MAL2: variants seen among roughly 807,000 people sequenced by gnomAD.
The protein encoded by MAL2 is mal, T cell differentiation protein 2, also known as protein MAL2.
A neutral mutation model predicts 18.1 loss-of-function variants in MAL2; 17 were observed. That is an observed-to-expected ratio of 0.94 (90% CI 0.64 to 1.41). The LOEUF (loss-of-function observed/expected upper bound fraction) is 1.41, where lower values mean the gene tolerates loss of function less well. MAL2 is among the 40% of genes most tolerant of loss of function. The pLI, the probability that MAL2 is intolerant of heterozygous loss-of-function variation, is 0.00. For missense variants in MAL2, 222 were observed against 231.9 expected (o/e 0.96, Z 0.28); for synonymous variants, 102 against 102.3 (o/e 1.00, Z 0.02).
At chr8:119,237,046 C>A (rs575603948) in intron 2 of MAL2, among the ~76,000 whole-genome samples, 139 of 151,912 alleles carry the variant, frequency 9.2e-4, no homozygotes, top group African/African-American at 3.1e-3. Flanking sequence ...AGACCGCTAG[C>A]AAGACTAATA....
At chr8:119,236,431 G>A (rs530731978) in intron 2 of MAL2, among the ~76,000 whole-genome samples, 4 of 151,538 alleles carry the variant, frequency 2.6e-5, no homozygotes, top group African/African-American at 9.8e-5. Context: ...ACTCAGCTCT[G>A]CACCAAGTGG....
At chr8:119,225,841 G>A (rs1817584211) in intron 2 of MAL2, among the ~76,000 whole-genome samples, 1 of 152,204 alleles carries the variant, frequency 6.6e-6, no homozygotes, top group Non-Finnish European at 1.5e-5. Context: ...ATCTCATTGT[G>A]GTTTTGATTT....
intron 1 of MAL2, among the ~76,000 whole-genome samples, chr8:119,211,332 A>C (rs1817265322): frequency 1.3e-5 from 2 of 152,174 alleles, no homozygotes; most frequent in Non-Finnish European, 2.9e-5. Context: ...CTCAAACTCC[A>C]TTTTAATTTT....
rs559946145 is a variant in MAL2, at chr8:119,239,117, T to C, written c.304-1048T>C. Among the ~76,000 whole-genome samples, 150 of 151,890 alleles carry C rather than the reference T, an allele frequency of 9.9e-4. 1 individual carries two copies. Among genetic ancestry groups the C allele is most frequent in the African/African-American group, 3.5e-3 (146 of 41,432 alleles). The stretch of plus-strand genomic sequence containing the variant: ...ACCCCATCAAAAAGTGGGTGAAGGA[T>C]ATGAACAGACACTTCTCAAAAGAAG... On this transcript the variant is annotated intron_variant, in intron 2 of 3. Transcript: ENST00000614891.
intron 2 of MAL2, among the ~76,000 whole-genome samples, chr8:119,231,717 A>G (rs1476412068): frequency 6.6e-6 from 1 of 152,250 alleles, no homozygotes; most frequent in African/African-American, 2.4e-5. Flanking sequence ...GATAAAGAAA[A>G]TGCAGTATAT....
intron 1 of MAL2, among the ~76,000 whole-genome samples, chr8:119,212,414 T>C (rs945051597): frequency 4.6e-5 from 7 of 152,186 alleles, no homozygotes; most frequent in African/African-American, 1.7e-4. Flanking sequence ...GTGTTTTGGA[T>C]GCCATAGTAA....
At chr8:119,238,521 A>G (rs974738938) in intron 2 of MAL2, among the ~76,000 whole-genome samples, 4 of 151,208 alleles carry the variant, frequency 2.6e-5, no homozygotes, top group Non-Finnish European at 5.9e-5. Flanking sequence ...CCTGACTTCA[A>G]ACTATACTAC....
intron 3 of MAL2, among the ~76,000 whole-genome samples, chr8:119,241,786 T>G (rs1242578217): frequency 6.6e-6 from 1 of 151,492 alleles, no homozygotes; most frequent in African/African-American, 2.4e-5. Context: ...ACTTTAACAC[T>G]TGCTTATAAA....
chr8:119,229,043 T>TGTTTATGTG (rs1381262909), intron 2 of MAL2, among the ~76,000 whole-genome samples: 1 of 152,116 alleles, frequency 6.6e-6, no homozygotes, highest in Non-Finnish European at 1.5e-5. Context: ...ATGGGTACTC[T>TGTTTATGTG]GTTTATGTGC....
At chr8:119,237,839 A>G (rs1344326822) in intron 2 of MAL2, among the ~76,000 whole-genome samples, 3 of 152,100 alleles carry the variant, frequency 2.0e-5, no homozygotes, top group African/African-American at 4.8e-5. Context: ...ATCATACTGA[A>G]TGGGCAAAAA....
At chr8:119,242,898 G>A (rs980558835) in intron 3 of MAL2, among the ~76,000 whole-genome samples, 1 of 152,184 alleles carries the variant, frequency 6.6e-6, no homozygotes, top group Non-Finnish European at 1.5e-5. Flanking sequence ...TCCAAGTAGA[G>A]TGCAGATTTG....
In MAL2 at chr8:119,245,196, C is replaced by T. The variant is rs1245284181; in HGVS notation, c.*1708C>T. ...ATCAGATCTTTTCTATAATATCCTA[C>T]TACTTTGGTTTTCCTAGCTCCATAC... On this transcript the variant is annotated 3_prime_UTR_variant, in exon 4 of 4. Coordinates refer to ENST00000614891, the MANE Select transcript of MAL2 (RefSeq NM_052886.3). 6.6e-6 allele frequency: 1 copy of T among 152,576 alleles called. No individual in the cohort carries two copies. The highest frequency in any genetic ancestry group is 2.4e-5 in the African/African-American group (1 of 41,440). The allele number at this position is 152,576 out of a possible 1,614,324, so 9.5% of individuals were successfully genotyped here.
At chr8:119,226,652 TAAGA>T (rs1817602377) in intron 2 of MAL2, among the ~76,000 whole-genome samples, 2 of 116,912 alleles carry the variant, frequency 1.7e-5, no homozygotes, top group African/African-American at 2.8e-5. Context: ...TGAAGGCAAT[TAAGA>T]AAGAGGCTGG....
chr8:119,239,127 C>G (rs1183749431), intron 2 of MAL2, among the ~76,000 whole-genome samples: 1 of 152,116 alleles, frequency 6.6e-6, no homozygotes, highest in South Asian at 2.1e-4. Context: ...TATGAACAGA[C>G]ACTTCTCAAA....
chr8:119,230,714 TG>T (rs1445520087), intron 2 of MAL2, among the ~76,000 whole-genome samples: 2 of 152,214 alleles, frequency 1.3e-5, no homozygotes, highest in African/African-American at 4.8e-5. Context: ...GAGTGCCTAA[TG>T]ATCTCAGACA....
intron 1 of MAL2, chr8:119,220,981 AT>A (rs1817453498): frequency 6.6e-6 from 1 of 152,252 alleles, no homozygotes; most frequent in Non-Finnish European, 1.5e-5. Context: ...TGTAGTAGGT[AT>A]TTATTGATAC....
chr8:119,240,070 G>T, intron 2 of MAL2, 95 bp from the exon 3 acceptor site: 3 of 1,275,182 alleles, frequency 2.4e-6, no homozygotes. Flanking sequence ...TTAATTAAAT[G>T]TTTTGATCTT....
intron 2 of MAL2, 121 bp from the exon 3 acceptor site, chr8:119,240,044 A>G: frequency 9.4e-7 from 1 of 1,064,092 alleles, no homozygotes; most frequent in South Asian, 1.7e-5. Context: ...TTAACAGTGA[A>G]TATAGTTAAG....
intron 2 of MAL2, among the ~76,000 whole-genome samples, chr8:119,222,387 G>A (rs986147789): frequency 2.0e-5 from 3 of 151,772 alleles, no homozygotes; most frequent in East Asian, 1.9e-4. Context: ...AAATTACCCC[G>A]GGCATGATGG....
Sources: gnomAD v4.1 joint callset for allele counts (sites outside exome capture counted in the v4.1 genomes callset) on GRCh38, gnomAD v4.1.1 for gene constraint, MANE v1.5 for transcripts, NCBI Gene and HGNC (gene_info 2026-07-23, HGNC 2026-07-21) for gene names.